The following RBFOX1 variants were observed in gnomAD, a reference collection of about 807,000 sequenced individuals.
RBFOX1 encodes RNA binding fox-1 homolog 1, also known as RNA binding protein fox-1 homolog 1.
Under a neutral mutation model 57.7 loss-of-function variants are expected in RBFOX1, and 8 were observed. That is an observed-to-expected ratio of 0.14 (90% CI 0.08 to 0.25). RBFOX1 has a LOEUF of 0.25. Ranked by LOEUF, RBFOX1 falls within the 10% of genes least tolerant of loss-of-function variation. The probability of loss-of-function intolerance (pLI) is 1.00; values close to 1 mark genes in which losing one functional copy is unlikely to be tolerated. For missense variants in RBFOX1, 611 were observed against 548.5 expected (o/e 1.11, Z -1.14); for synonymous variants, 326 against 222.4 (o/e 1.47, Z -4.15).
At chr16:6,847,820 T>C (rs2093839502) in intron 3 of RBFOX1, among the ~76,000 whole-genome samples, 1 of 152,052 alleles carries the variant, frequency 6.6e-6, no homozygotes, top group South Asian at 2.1e-4. Flanking sequence ...AAAAAATTAT[T>C]CCCACCAAGA....
intron 2 of RBFOX1, among the ~76,000 whole-genome samples, chr16:6,489,626 G>T (rs994902204): frequency 6.6e-6 from 1 of 152,092 alleles, no homozygotes; most frequent in Non-Finnish European, 1.5e-5. Flanking sequence ...ATCTTCACCC[G>T]AGTTTTGAAA....
At chr16:7,193,552 G>C (rs774897624) in intron 4 of RBFOX1, among the ~76,000 whole-genome samples, 1 of 152,200 alleles carries the variant, frequency 6.6e-6, no homozygotes, top group Non-Finnish European at 1.5e-5. Flanking sequence ...CCTTACACGT[G>C]CCAGATGCTC....
chr16:6,880,198 T>C (rs55818804), intron 3 of RBFOX1, among the ~76,000 whole-genome samples: 120,187 of 151,972 alleles, frequency 0.79, 48,441 homozygotes, highest in African/African-American at 0.94. Context: ...TCCTTTAAGG[T>C]ATAAAAGAGC....
chr16:7,690,386 G>C lies in RBFOX1; in HGVS notation c.995+13548G>C, dbSNP rs546211544. Among the ~76,000 whole-genome samples, 65 of 152,196 alleles carry C rather than the reference G, an allele frequency of 4.3e-4. No individual in the cohort carries two copies. In the South Asian group the frequency reaches 0.013, roughly 31 times the overall value. On this transcript the variant is annotated intron_variant, in intron 14 of 15. Coordinates refer to ENST00000550418, the MANE Select transcript of RBFOX1 (RefSeq NM_018723.4). ...AGTTTCAGAGGTTACCATTTAATTG[G>C]TCTTCAGTGTAGCTTGGTAACCAGA...
intron 1 of RBFOX1, among the ~76,000 whole-genome samples, chr16:6,280,856 C>G (rs998411697): frequency 6.6e-6 from 1 of 151,802 alleles, no homozygotes; most frequent in Non-Finnish European, 1.5e-5. Flanking sequence ...TGGCTATTTC[C>G]TTTTCCTTTG....
At chr16:5,746,612 C>T (rs1486510332) in intron 3 of RBFOX1, among the ~76,000 whole-genome samples, 5 of 152,156 alleles carry the variant, frequency 3.3e-5, no homozygotes, top group African/African-American at 1.2e-4. Context: ...TCTTTTATTT[C>T]ATTGAGCAGT....
At chr16:7,214,038 G>C (rs959455292) in intron 4 of RBFOX1, among the ~76,000 whole-genome samples, 13 of 151,270 alleles carry the variant, frequency 8.6e-5, no homozygotes, top group Non-Finnish European at 1.8e-4. Context: ...CCTTTGCCTA[G>C]AAACTGGTCC....
chr16:6,962,244 G>C (rs1598471339), intron 3 of RBFOX1, among the ~76,000 whole-genome samples: 1 of 152,054 alleles, frequency 6.6e-6, no homozygotes, highest in Non-Finnish European at 1.5e-5. Flanking sequence ...GTGTGTGTCA[G>C]ACCTCCCTCT....
At chr16:6,062,737 A>T (rs552858460) in intron 1 of RBFOX1, among the ~76,000 whole-genome samples, 1 of 151,858 alleles carries the variant, frequency 6.6e-6, no homozygotes, top group Non-Finnish European at 1.5e-5. Context: ...ATCTCAAGAC[A>T]TGTATCTCTT....
At chr16:5,509,496 G>A (rs1287519467) in intron 2 of RBFOX1, among the ~76,000 whole-genome samples, 1 of 152,242 alleles carries the variant, frequency 6.6e-6, no homozygotes, top group Non-Finnish European at 1.5e-5. Flanking sequence ...AGTTGGCAAA[G>A]TGAGCAAAGA....
chr16:6,882,684 G>C (rs1050228586), intron 3 of RBFOX1, among the ~76,000 whole-genome samples: 1 of 152,112 alleles, frequency 6.6e-6, no homozygotes, highest in Non-Finnish European at 1.5e-5. Context: ...TGGCTGTATG[G>C]ATAACAACCA....
chr16:5,384,597 G>C (rs2066210368), intron 1 of RBFOX1, among the ~76,000 whole-genome samples: 1 of 152,166 alleles, frequency 6.6e-6, no homozygotes, highest in Non-Finnish European at 1.5e-5. Context: ...GACTCCAAAG[G>C]TGATGAGGAG....
At chr16:5,873,065 G>C (rs1330856751) in intron 4 of RBFOX1, among the ~76,000 whole-genome samples, 2 of 152,126 alleles carry the variant, frequency 1.3e-5, no homozygotes, top group Non-Finnish European at 2.9e-5. Flanking sequence ...CAAGAGAATA[G>C]CTTGAACCCA....
intron 1 of RBFOX1, among the ~76,000 whole-genome samples, chr16:6,020,706 G>A (rs1033919231): frequency 6.6e-6 from 1 of 152,112 alleles, no homozygotes; most frequent in Admixed American, 6.5e-5. Context: ...GCCAGGGGGG[G>A]GCTTGTCAGC....
chr16:5,631,805 G>GTCTAGA (rs1041388487), intron 3 of RBFOX1, among the ~76,000 whole-genome samples: 3 of 152,142 alleles, frequency 2.0e-5, no homozygotes, highest in Non-Finnish European at 4.4e-5. Context: ...GTTGAGCATT[G>GTCTAGA]TCTAGATGAG....
intron 1 of RBFOX1, among the ~76,000 whole-genome samples, chr16:6,246,406 C>A (rs1342873695): frequency 3.3e-5 from 5 of 152,092 alleles, no homozygotes; most frequent in African/African-American, 9.7e-5. Flanking sequence ...TCCCCTTTCC[C>A]CAAAAGCAAG....
intron 1 of RBFOX1, among the ~76,000 whole-genome samples, chr16:6,099,875 A>G (rs2096283757): frequency 1.3e-5 from 2 of 152,220 alleles, no homozygotes; most frequent in South Asian, 4.1e-4. Flanking sequence ...CTTCCATATT[A>G]AAGGAGTTCT....
At chr16:7,204,983 C>T (rs879391328) in intron 4 of RBFOX1, among the ~76,000 whole-genome samples, 3 of 152,140 alleles carry the variant, frequency 2.0e-5, no homozygotes, top group Admixed American at 1.3e-4. Context: ...AATATTGTGA[C>T]TTTCTCTTTA....
chr16:6,913,343 T>C (rs2072205630), intron 3 of RBFOX1, among the ~76,000 whole-genome samples: 1 of 152,128 alleles, frequency 6.6e-6, no homozygotes, highest in South Asian at 2.1e-4. Context: ...AATGGTCCCA[T>C]TTTAACCCCC....
Sources: allele counts gnomAD v4.1 joint callset (sites outside exome capture counted in the v4.1 genomes callset), GRCh38; gene constraint gnomAD v4.1.1; transcripts MANE v1.5; gene names NCBI Gene and HGNC (gene_info 2026-07-23, HGNC 2026-07-21).